The following NLGN4X variants were observed in gnomAD, a reference collection of about 807,000 sequenced individuals.
NLGN4X encodes neuroligin 4 X-linked, also known as neuroligin-4, X-linked.
In NLGN4X, 3 loss-of-function variants were observed where a neutral mutation model predicts 40.3. That is an observed-to-expected ratio of 0.07 (90% CI 0.03 to 0.19). NLGN4X has a LOEUF of 0.19. Ranked by LOEUF, NLGN4X falls within the 10% of genes least tolerant of loss-of-function variation. The pLI is 1.00. For missense variants in NLGN4X, 382 were observed against 708.3 expected (o/e 0.54, Z 5.23); for synonymous variants, 270 against 306.8 (o/e 0.88, Z 1.25).
At chrX:6,175,032 T>C (rs1325652480) in intron 1 of NLGN4X, among the ~76,000 whole-genome samples, 1 of 111,855 alleles carries the variant, frequency 8.9e-6, no homozygotes, top group East Asian at 2.8e-4. Flanking sequence ...ACTTAATAAA[T>C]ATGTATTGCT....
intron 2 of NLGN4X, among the ~76,000 whole-genome samples, chrX:6,147,898 T>G (rs2040083320): frequency 8.9e-6 from 1 of 112,041 alleles, no homozygotes; most frequent in African/African-American, 3.2e-5. Context: ...AAAATTTAAA[T>G]AAAGAAATTT....
intron 2 of NLGN4X, among the ~76,000 whole-genome samples, chrX:6,065,068 C>T (rs761407760): frequency 6.3e-5 from 7 of 110,484 alleles, no homozygotes; most frequent in African/African-American, 1.6e-4. Context: ...ACATTGAGGA[C>T]GCACGGGCCC....
At chrX:6,085,691 G>A (rs764075650) in intron 2 of NLGN4X, among the ~76,000 whole-genome samples, 2 of 112,234 alleles carry the variant, frequency 1.8e-5, no homozygotes, top group African/African-American at 3.2e-5. Context: ...TCCATGTCTG[G>A]ACAGAGCTTA....
intron 2 of NLGN4X, among the ~76,000 whole-genome samples, chrX:6,095,098 C>CGTGTGT (rs1308618584): frequency 7.2e-4 from 16 of 22,256 alleles, no homozygotes; most frequent in Non-Finnish European, 1.1e-3. Flanking sequence ...TAAGTACGTG[C>CGTGTGT]GTGCGTGTGT....
intron 5 of NLGN4X, 112 bp from the exon 6 acceptor site, chrX:5,893,778 C>T (rs1359164667): frequency 1.3e-6 from 1 of 797,353 alleles, no homozygotes; most frequent in Non-Finnish European, 1.8e-6. Flanking sequence ...ATATATTTAT[C>T]AATGAGCACA....
At chrX:6,066,787 A>C (rs989433754) in intron 2 of NLGN4X, among the ~76,000 whole-genome samples, 4 of 109,065 alleles carry the variant, frequency 3.7e-5, no homozygotes, top group African/African-American at 1.3e-4. Flanking sequence ...TCTGTCTCAA[A>C]AAACAAACAA....
chrX:6,140,198 C>A (rs1006373247), intron 2 of NLGN4X, among the ~76,000 whole-genome samples: 1 of 111,374 alleles, frequency 9.0e-6, no homozygotes, highest in African/African-American at 3.3e-5. Context: ...AAATCAGTAC[C>A]TGCTGCATTC....
Position 5,963,105 on chromosome X carries a change from AC to A in NLGN4X, c.626-53867del, listed in dbSNP as rs781724557. Among the ~76,000 whole-genome samples the A allele has an allele frequency of 8.5e-3, 945 of 110,538 alleles. 9 individuals carry two copies. The highest frequency in any genetic ancestry group is 0.03 in the African/African-American group (912 of 30,342). On this transcript the variant is annotated intron_variant, in intron 3 of 5. Coordinates refer to ENST00000381095, the MANE Select transcript of NLGN4X (RefSeq NM_181332.3). The stretch of plus-strand genomic sequence containing the variant: ...AAAAGTTTTGAAGTGTATGCTAGAC[AC>A]AGCCTACGTTGCCATGAATAGACCT...
At chrX:6,016,413 C>G (rs993890705) in intron 3 of NLGN4X, among the ~76,000 whole-genome samples, 1 of 111,706 alleles carries the variant, frequency 9.0e-6, no homozygotes, top group Non-Finnish European at 1.9e-5. Flanking sequence ...AACCCCCAAA[C>G]ATGATATCAC....
At chrX:6,170,362 C>T in intron 1 of NLGN4X, among the ~76,000 whole-genome samples, 1 of 112,213 alleles carries the variant, frequency 8.9e-6, no homozygotes, top group Non-Finnish European at 1.9e-5. Flanking sequence ...ATTTCACTGC[C>T]CAGTCTGCAT....
chrX:6,150,847 G>C lies in NLGN4X; in HGVS notation c.472+148C>G, dbSNP rs1173256938. On this transcript the variant is annotated intron_variant, in intron 2 of 5. Coordinates refer to ENST00000381095, the MANE Select transcript of NLGN4X (RefSeq NM_181332.3). ...TGGAACATGTGGTAAGTTGCTGCAA[G>C]AATTGCATTTGGAATATGAAAAATA... The C allele has an allele frequency of 1.7e-5, 9 of 531,858 alleles. No individual in the cohort carries two copies. In the East Asian group the frequency reaches 3.2e-4, roughly 19 times the overall value. The allele number at this position is 531,858 out of a possible 1,213,427, so 43.8% of individuals were successfully genotyped here.
At chrX:6,083,724 C>A (rs2038427621) in intron 2 of NLGN4X, among the ~76,000 whole-genome samples, 1 of 112,206 alleles carries the variant, frequency 8.9e-6, no homozygotes, top group Non-Finnish European at 1.9e-5. Context: ...GAGTTTGTAT[C>A]TTGGACACAC....
rs760694486 is a variant in NLGN4X, at chrX:5,972,940, C to A, written c.625+56340G>T. On this transcript the variant is annotated intron_variant, in intron 3 of 5. Coordinates refer to ENST00000381095, the MANE Select transcript of NLGN4X (RefSeq NM_181332.3). The stretch of plus-strand genomic sequence containing the variant: ...AAATAGAAATTTATCAGAAAGCCAA[C>A]TGTTGCAACAGCTAACAGATCAATT... 9.8e-5 allele frequency among the ~76,000 whole-genome samples: 11 copies of A among 112,101 alleles called. No homozygotes were observed. In the South Asian group the frequency reaches 3.7e-3, roughly 38 times the overall value.
chrX:6,184,743 G>C (rs773785688), intron 1 of NLGN4X, among the ~76,000 whole-genome samples: 1 of 112,484 alleles, frequency 8.9e-6, no homozygotes, highest in Admixed American at 9.4e-5. Context: ...ATAGCCCAGA[G>C]CCCAAGATAA....
At chrX:5,930,336 C>T (rs182275380) in intron 3 of NLGN4X, among the ~76,000 whole-genome samples, 67 of 112,132 alleles carry the variant, frequency 6.0e-4, no homozygotes, top group African/African-American at 1.6e-3. Flanking sequence ...TGCAGTAGCA[C>T]TTAAACGGTG....
rs1491106130 is a variant in NLGN4X, at chrX:6,221,391, T to TTTTATATATA, written c.-306+7149_-306+7150insTATATATAAA. Among the ~76,000 whole-genome samples the TTTTATATATA allele has an allele frequency of 1.4e-3, 73 of 53,343 alleles. 2 individuals are homozygous for TTTTATATATA. The highest frequency in any genetic ancestry group is 5.3e-3 in the African/African-American group (70 of 13,261). The allele number at this position is 53,343 out of a possible 115,157, so 46.3% of individuals were successfully genotyped here. The stretch of plus-strand genomic sequence containing the variant: ...GAAAACCACATTTTTCCTTCTTATA[T>TTTTATATATA]TATATATATATATATATATATATAT... On this transcript the variant is annotated intron_variant, in intron 1 of 5. Transcript: ENST00000381095.
At chrX:5,904,448 C>T (rs1056056772) in intron 4 of NLGN4X, among the ~76,000 whole-genome samples, 1 of 112,383 alleles carries the variant, frequency 8.9e-6, no homozygotes, top group Non-Finnish European at 1.9e-5. Flanking sequence ...ATACATTCAG[C>T]TAGCTATGCT....
chrX:5,938,627 C>G (rs970880003), intron 3 of NLGN4X, among the ~76,000 whole-genome samples: 1 of 108,385 alleles, frequency 9.2e-6, no homozygotes, highest in African/African-American at 3.4e-5. Flanking sequence ...TGGGTTAACT[C>G]AACGGTCAAG....
intron 1 of NLGN4X, among the ~76,000 whole-genome samples, chrX:6,213,779 T>G (rs1247150101): frequency 8.9e-6 from 1 of 112,185 alleles, no homozygotes; most frequent in Non-Finnish European, 1.9e-5. Flanking sequence ...CCTGAAACTT[T>G]CCACCAAATG....
Sources: allele counts gnomAD v4.1 joint callset (sites outside exome capture counted in the v4.1 genomes callset), GRCh38; gene constraint gnomAD v4.1.1; transcripts MANE v1.5; gene names NCBI Gene and HGNC (gene_info 2026-07-23, HGNC 2026-07-21).